CNTNAP2: variants seen among roughly 807,000 people sequenced by gnomAD.
CNTNAP2 encodes contactin-associated protein-like 2.
A neutral mutation model predicts 155.2 loss-of-function variants in CNTNAP2; 98 were observed. The ratio of observed to expected loss-of-function variants is 0.63; its 90% CI spans 0.54 to 0.75. The LOEUF (loss-of-function observed/expected upper bound fraction) is 0.75, where lower values mean the gene tolerates loss of function less well. CNTNAP2 is among the 30% of genes least tolerant of loss of function. The pLI, the probability that CNTNAP2 is intolerant of heterozygous loss-of-function variation, is 0.00. For synonymous variants in CNTNAP2, 651 were observed against 631.2 expected (o/e 1.03, Z -0.47); for missense variants, 1,727 against 1,688.1 (o/e 1.02, Z -0.40).
chr7:147,832,123 AATT>A (rs1194697156), intron 13 of CNTNAP2, among the ~76,000 whole-genome samples: 5 of 147,944 alleles, frequency 3.4e-5, no homozygotes, highest in African/African-American at 9.8e-5. Flanking sequence ...ATAATCATAC[AATT>A]ATATTTTTAT....
chr7:147,131,386 T>C lies in CNTNAP2; in HGVS notation c.1084-859T>C, dbSNP rs530371295. Reference sequence around the variant, plus strand: ...TAGGATAAAAGAAGTTAGAAGCAAATACAGATTTTTAGACCTGTAAAGAGA... The same window carrying C: ...TAGGATAAAAGAAGTTAGAAGCAAACACAGATTTTTAGACCTGTAAAGAGA... On this transcript the variant is annotated intron_variant, in intron 7 of 23. Coordinates refer to ENST00000361727, the MANE Select transcript of CNTNAP2 (RefSeq NM_014141.6). Among the ~76,000 whole-genome samples the C allele has an allele frequency of 2.0e-5, 3 of 152,062 alleles. No individual in the cohort carries two copies. The South Asian group carries it at 6.2e-4, about 31-fold the overall frequency.
At chr7:147,429,150 G>T (rs1797427578) in intron 10 of CNTNAP2, among the ~76,000 whole-genome samples, 2 of 146,342 alleles carry the variant, frequency 1.4e-5, no homozygotes, top group African/African-American at 5.4e-5. Flanking sequence ...GTGTGTGTTT[G>T]TGTATATATA....
chr7:147,381,838 T>C (rs1433445642), intron 9 of CNTNAP2, among the ~76,000 whole-genome samples: 1 of 151,980 alleles, frequency 6.6e-6, no homozygotes, highest in East Asian at 1.9e-4. Context: ...ATATAATGAG[T>C]ATTATATGAA....
At chr7:148,305,713 A>C in intron 21 of CNTNAP2, among the ~76,000 whole-genome samples, 1 of 152,304 alleles carries the variant, frequency 6.6e-6, no homozygotes, top group Middle Eastern at 3.4e-3. Flanking sequence ...AGATCTCTTG[A>C]GAACCCACTC....
chr7:148,161,333 T>C (rs953143742), intron 17 of CNTNAP2, among the ~76,000 whole-genome samples: 2 of 152,172 alleles, frequency 1.3e-5, no homozygotes, highest in African/African-American at 4.8e-5. Context: ...TCCTGTCATT[T>C]CGCCTTCTGA....
chr7:146,880,155 A>G (rs534124434), intron 3 of CNTNAP2, among the ~76,000 whole-genome samples: 1 of 152,228 alleles, frequency 6.6e-6, no homozygotes, highest in Admixed American at 6.6e-5. Context: ...TATCACAGAT[A>G]ATAATGAAAA....
At chr7:147,074,631 T>C (rs753265706) in intron 4 of CNTNAP2, among the ~76,000 whole-genome samples, 4 of 152,290 alleles carry the variant, frequency 2.6e-5, no homozygotes, top group South Asian at 4.1e-4. Context: ...AGTAGAATGA[T>C]ATGAATAAAT....
At chr7:147,531,780 C>T (rs937241843) in intron 11 of CNTNAP2, among the ~76,000 whole-genome samples, 9 of 151,438 alleles carry the variant, frequency 5.9e-5, no homozygotes, top group African/African-American at 2.2e-4. Context: ...GCTTGAATTT[C>T]TCCCCAGAAA....
At chr7:147,953,690 A>G (rs1383897885) in intron 14 of CNTNAP2, among the ~76,000 whole-genome samples, 1 of 152,088 alleles carries the variant, frequency 6.6e-6, no homozygotes, top group African/African-American at 2.4e-5. Flanking sequence ...TACTCTCTCA[A>G]GGTTCTAGAG....
chr7:148,049,258 C>T lies in CNTNAP2; in HGVS notation c.2384-68860C>T, dbSNP rs187334321. Among the ~76,000 whole-genome samples the T allele has an allele frequency of 2.1e-3, 318 of 152,212 alleles. 4 individuals are homozygous for T. The highest frequency in any genetic ancestry group is 1.0e-3 in the Non-Finnish European group (68 of 68,010). On this transcript the variant is annotated intron_variant, in intron 15 of 23. Coordinates refer to ENST00000361727, the MANE Select transcript of CNTNAP2 (RefSeq NM_014141.6). ...AGTGGCTAAGTCAGTAGTGAAACTA[C>T]GAAGCTAACTTATTACATTTTTCAC...
chr7:148,060,675 G>A (rs1380337655), intron 15 of CNTNAP2, among the ~76,000 whole-genome samples: 1 of 152,118 alleles, frequency 6.6e-6, no homozygotes, highest in African/African-American at 2.4e-5. Flanking sequence ...TAATAGACAA[G>A]GTAAAATCAG....
intron 9 of CNTNAP2, among the ~76,000 whole-genome samples, chr7:147,385,574 C>T (rs116858204): frequency 6.6e-5 from 10 of 152,354 alleles, no homozygotes; most frequent in Middle Eastern, 3.4e-3. Flanking sequence ...AATCTTAAAG[C>T]TCCAAAATGT....
intron 1 of CNTNAP2, among the ~76,000 whole-genome samples, chr7:146,401,786 T>C (rs985634443): frequency 2.0e-5 from 3 of 152,200 alleles, no homozygotes; most frequent in Non-Finnish European, 2.9e-5. Flanking sequence ...AAAAGCAATC[T>C]AGACAAAACA....
intron 15 of CNTNAP2, among the ~76,000 whole-genome samples, chr7:148,061,874 C>T (rs529114635): frequency 3.8e-5 from 4 of 105,846 alleles, no homozygotes; most frequent in African/African-American, 1.5e-4. Context: ...GATAGATAAA[C>T]AGATATAGAT....
intron 10 of CNTNAP2, among the ~76,000 whole-genome samples, chr7:147,425,751 G>T (rs1450265768): frequency 1.3e-5 from 2 of 152,030 alleles, no homozygotes; most frequent in African/African-American, 4.8e-5. Context: ...GAATTTTTTT[G>T]AACTTCTTGT....
At position 148,086,995 on chromosome 7, in the gene CNTNAP2, C is replaced by T. The variant is rs191227488; in HGVS notation, c.2384-31123C>T. Among the ~76,000 whole-genome samples the T allele has an allele frequency of 2.1e-3, 318 of 152,190 alleles. 1 individual carries two copies. Among genetic ancestry groups the T allele is most frequent in the Middle Eastern group, 3.4e-3 (1 of 292 alleles). ...TATATAGACTTGGCCTGTTGGAATA[C>T]CTTCTTGGAAATTTAAAAAAATAGT... On this transcript the variant is annotated intron_variant, in intron 15 of 23. Transcript: ENST00000361727.
Position 148,099,206 on chromosome 7 carries a change from C to T in CNTNAP2, c.2384-18912C>T, listed in dbSNP as rs77332094. On this transcript the variant is annotated intron_variant, in intron 15 of 23. Coordinates refer to ENST00000361727, the MANE Select transcript of CNTNAP2 (RefSeq NM_014141.6). Reference sequence around the variant, plus strand: ...ATGAAAAGTGGACATAATAACAGCACTTGAGTGAGAATTAATTGAGATAAA... The same window carrying T: ...ATGAAAAGTGGACATAATAACAGCATTTGAGTGAGAATTAATTGAGATAAA... Among the ~76,000 whole-genome samples the T allele has an allele frequency of 7.2e-4, 109 of 152,222 alleles. 2 individuals are homozygous for T. The East Asian group carries it at 0.02, about 27-fold the overall frequency.
intron 20 of CNTNAP2, among the ~76,000 whole-genome samples, chr7:148,252,957 CAAT>C (rs113885073): frequency 2.6e-5 from 4 of 151,060 alleles, no homozygotes; most frequent in African/African-American, 7.3e-5. Context: ...ATAACAACAA[CAAT>C]GAGAATTTGG....
intron 15 of CNTNAP2, among the ~76,000 whole-genome samples, chr7:148,001,569 A>C (rs939981958): frequency 6.6e-6 from 1 of 152,250 alleles, no homozygotes; most frequent in Non-Finnish European, 1.5e-5. Flanking sequence ...GAATGACATT[A>C]CATAAAAGAA....
Sources: gnomAD v4.1 joint callset for allele counts (sites outside exome capture counted in the v4.1 genomes callset) on GRCh38, gnomAD v4.1.1 for gene constraint, MANE v1.5 for transcripts, NCBI Gene and HGNC (gene_info 2026-07-23, HGNC 2026-07-21) for gene names.